The following THOP1 variants were observed in gnomAD, a reference collection of about 807,000 sequenced individuals.
THOP1 encodes the protein thimet oligopeptidase.
In THOP1, 49 loss-of-function variants were observed where a neutral mutation model predicts 71.8. That is an observed-to-expected ratio of 0.68 (90% confidence interval 0.54 to 0.87). The LOEUF is 0.87. Among genes scored for constraint, THOP1 ranks in the 40% least tolerant of loss-of-function variants. THOP1 has a pLI of 0.00. For synonymous variants in THOP1, 426 were observed against 421.5 expected, an observed-to-expected ratio of 1.01 and a Z score of -0.13; for missense variants, 843 against 975.6, an observed-to-expected ratio of 0.86 and a Z score of 1.81.
At chr19:2,806,824 G>T in intron 6 of THOP1, 93 bp from the exon 7 acceptor site, 3 of 1,594,910 alleles carry the variant, frequency 1.9e-6, no homozygotes, top group Non-Finnish European at 2.6e-6. Flanking sequence ...GACGGAGCTG[G>T]ATATGAGCCT....
Position 2,785,539 on chromosome 19 carries a change from T to G in THOP1, c.-124T>G. The G allele has an allele frequency of 8.3e-7, 1 of 1,198,106 alleles. No homozygotes were observed. Among genetic ancestry groups the G allele is most frequent in the Non-Finnish European group, 1.1e-6 (1 of 904,962 alleles). The allele number at this position is 1,198,106 out of a possible 1,614,324, so 74.2% of individuals were successfully genotyped here. A position where few individuals can be genotyped will look rare whatever the true frequency, so the allele number is the denominator to read the frequency against. ...GGAGCGCGGGCGGCGGGCCCCTTGG[T>G]CCTCAGGCGGCCGTGGCGGCGGTGG... On this transcript the variant is annotated 5_prime_UTR_variant, in exon 1 of 13. Transcript: ENST00000307741.
intron 12 of THOP1, chr19:2,811,987 T>C: frequency 9.6e-7 from 1 of 1,044,488 alleles, no homozygotes; most frequent in Non-Finnish European, 1.3e-6. Flanking sequence ...CTGCTGGTCT[T>C]GGTGCGGTGC....
chr19:2,807,124 G>T, intron 7 of THOP1, 72 bp downstream of exon 7: 2 of 1,499,706 alleles, frequency 1.3e-6, no homozygotes, highest in South Asian at 1.3e-5. Context: ...GGGACAGTCG[G>T]TGCTACCCCT....
rs17855443 is a variant in THOP1 at position 2,808,401 on chromosome 19, A to G, written c.1412A>G (p.Tyr471Cys). ...CTGCAGCATGACGAGGTGGAGACCT[A>G]CTTCCATGAGTTTGGCCACGTGATG... ...SLLQHDEVET[Y>C]FHEFGHVMHQ... The change falls in exon 9 of 13, where the codon TAC becomes TGC. Residue 471 changes from tyrosine to cysteine, a missense_variant. Physicochemically the swap from Tyr to Cys is radical, Grantham distance 194. Coordinates refer to ENST00000307741, the MANE Select transcript of THOP1 (RefSeq NM_003249.5). The G allele has an allele frequency of 5.0e-6, 8 of 1,610,608 alleles. No individual in the cohort carries two copies. The highest frequency in any genetic ancestry group is 1.7e-5 in the Admixed American group (1 of 59,884).
intron 1 of THOP1, among the ~76,000 whole-genome samples, chr19:2,788,188 A>G (rs1915795844): frequency 6.6e-6 from 1 of 152,150 alleles, no homozygotes; most frequent in South Asian, 2.1e-4. Flanking sequence ...TGTTCTCTGC[A>G]CCCTGAATTG....
chr19:2,810,965 G>A (rs1916448675), intron 11 of THOP1, among the ~76,000 whole-genome samples, 197 bp downstream of exon 11: 1 of 152,260 alleles, frequency 6.6e-6, no homozygotes, highest in South Asian at 2.1e-4. Flanking sequence ...GGGGACGGGT[G>A]TGCGGCCCCA....
At chr19:2,812,512 A>C in intron 12 of THOP1, 1 of 1,050,462 alleles carries the variant, frequency 9.5e-7, no homozygotes, top group Non-Finnish European at 1.3e-6. Flanking sequence ...GGCAGCCTCC[A>C]GCAGCTCCCC....
chr19:2,806,881 C>A, intron 6 of THOP1, 36 bp from the exon 7 acceptor site: 1 of 1,611,674 alleles, frequency 6.2e-7, no homozygotes, highest in Non-Finnish European at 8.5e-7. Flanking sequence ...GAGGGAGTGG[C>A]GCCCCTGGGT....
chr19:2,807,835 G>T (rs1336732167), intron 8 of THOP1, 27 bp downstream of exon 8: 2 of 1,432,130 alleles, frequency 1.4e-6, no homozygotes, highest in Middle Eastern at 1.9e-4. Context: ...GGGGCGGGGG[G>T]CGCACCCCGG....
intron 5 of THOP1, among the ~76,000 whole-genome samples, chr19:2,802,579 C>T (rs1035577615): frequency 6.6e-6 from 1 of 151,794 alleles, no homozygotes; most frequent in Non-Finnish European, 1.5e-5. Flanking sequence ...CCCCACCTCC[C>T]GACACCGCCA....
intron 5 of THOP1, among the ~76,000 whole-genome samples, chr19:2,802,630 A>G (rs1321379766): frequency 1.3e-5 from 2 of 152,066 alleles, no homozygotes; most frequent in East Asian, 3.9e-4. Context: ...CATCTCTGGC[A>G]TTAAGTTCCT....
chr19:2,802,841 G>A (rs2144772644), intron 5 of THOP1, among the ~76,000 whole-genome samples: 1 of 152,328 alleles, frequency 6.6e-6, no homozygotes, highest in South Asian at 2.1e-4. Flanking sequence ...GTGTGCATGA[G>A]GCTTCTGTCT....
intron 1 of THOP1, among the ~76,000 whole-genome samples, chr19:2,786,688 G>A (rs1181096014): frequency 6.6e-6 from 1 of 151,218 alleles, no homozygotes; most frequent in Non-Finnish European, 1.5e-5. Context: ...CGCAACCTCC[G>A]CCTCCCGGGT....
intron 2 of THOP1, 144 bp from the exon 3 acceptor site, chr19:2,794,619 TA>T: frequency 1.0e-6 from 1 of 980,352 alleles, no homozygotes; most frequent in Non-Finnish European, 1.5e-6. Context: ...CGTGTGCCTC[TA>T]GTCCCAGCTA....
Position 2,807,262 on chromosome 19 carries a change from C to T in THOP1, c.887-180C>T, listed in dbSNP as rs551207921. 2.7e-4 allele frequency among the ~76,000 whole-genome samples: 41 copies of T among 152,300 alleles called. 1 individual carries two copies. The highest frequency in any genetic ancestry group is 8.7e-4 in the African/African-American group (36 of 41,572). ...CTGGGGTCAGTCCCATGCTTGCACCCGGCCCCGCCGCCCCCTCACCCTGAG... is the reference window on the plus strand; with the variant it reads ...CTGGGGTCAGTCCCATGCTTGCACCTGGCCCCGCCGCCCCCTCACCCTGAG... On this transcript the variant is annotated intron_variant, in intron 7 of 12. Coordinates refer to ENST00000307741, the MANE Select transcript of THOP1 (RefSeq NM_003249.5).
intron 4 of THOP1, among the ~76,000 whole-genome samples, chr19:2,798,329 G>A (rs1285120600): frequency 2.6e-5 from 4 of 152,098 alleles, no homozygotes; most frequent in Admixed American, 6.6e-5. Context: ...CTGTACCACA[G>A]TTATTTTTAA....
At chr19:2,812,213 A>C in intron 12 of THOP1, 2 of 1,519,390 alleles carry the variant, frequency 1.3e-6, no homozygotes, top group East Asian at 4.9e-5. Flanking sequence ...CTCACTATGA[A>C]GTGCGGCCGT....
rs903561162 is a variant in THOP1 at position 2,814,270 on chromosome 19, C to G, written c.*994C>G. The G allele has an allele frequency of 6.6e-6, 1 of 152,348 alleles. No homozygotes were observed. Among genetic ancestry groups the G allele is most frequent in the Non-Finnish European group, 1.5e-5 (1 of 68,156 alleles). 9.4% of individuals were successfully genotyped at this position (152,348 alleles called of 1,614,324 possible). A position where few individuals can be genotyped will look rare whatever the true frequency, so the allele number is the denominator to read the frequency against. ...GGATAGCTGTCGGCTGTGTCCCCAC[C>G]TCCCGAGCAAGACAAGTGGATGCTC... On this transcript the variant is annotated 3_prime_UTR_variant, in exon 13 of 13. Transcript: ENST00000307741.
chr19:2,807,288 C>T (rs569119648), intron 7 of THOP1, among the ~76,000 whole-genome samples, 154 bp from the exon 8 acceptor site: 1 of 152,292 alleles, frequency 6.6e-6, no homozygotes, highest in African/African-American at 2.4e-5. Flanking sequence ...TCACCCTGAG[C>T]GTGAGGATGC....
Sources: allele counts gnomAD v4.1 joint callset (sites outside exome capture counted in the v4.1 genomes callset), GRCh38; gene constraint gnomAD v4.1.1; transcripts MANE v1.5; gene names NCBI Gene and HGNC (gene_info 2026-07-23, HGNC 2026-07-21).